The following NEK6 variants were observed in gnomAD, a reference collection of about 807,000 sequenced individuals.
The protein encoded by NEK6 is NIMA related kinase 6, also known as serine/threonine-protein kinase Nek6.
Under a neutral mutation model 43.5 loss-of-function variants are expected in NEK6, and 27 were observed. The observed-to-expected ratio is 0.62, with a 90% CI of 0.46 to 0.86. The LOEUF is 0.86. NEK6 is among the 40% of genes least tolerant of loss of function. NEK6 has a pLI of 0.00. For missense variants in NEK6, 318 were observed against 414.4 expected (o/e 0.77, Z 2.02); for synonymous variants, 167 against 164.1 (o/e 1.02, Z -0.14).
chr9:124,274,819 C>T (rs1177482882), intron 1 of NEK6, among the ~76,000 whole-genome samples: 5 of 152,164 alleles, frequency 3.3e-5, no homozygotes, highest in Non-Finnish European at 7.3e-5. Flanking sequence ...TTCTGCATGT[C>T]CATTTGTAGC....
chr9:124,281,326 G>T (rs1041536449), intron 1 of NEK6, among the ~76,000 whole-genome samples: 1 of 152,094 alleles, frequency 6.6e-6, no homozygotes, highest in Non-Finnish European at 1.5e-5. Context: ...CCTCAGCCAC[G>T]ATTGAAAAAG....
rs1830022671 is a variant in NEK6 at position 124,347,810 on chromosome 9, C to T, written c.819C>T (p.His273=). 2.5e-6 allele frequency: 4 copies of T among 1,609,102 alleles called. No individual in the cohort carries two copies. The highest frequency in any genetic ancestry group is 1.3e-5 in the African/African-American group (1 of 74,808). ...ACTACCCCCCACTCCCCGGGGAGCA[C>T]TACTCCGAGAAGGTGAGTTTGCAGG... ...QCDYPPLPGE[H]YSEKLRELVS... is the part of the protein sequence containing the mutation. The change falls in exon 9 of 10, where the codon CAC becomes CAT. Residue 273 remains histidine, a synonymous_variant. Transcript: ENST00000320246.
chr9:124,308,782 C>T (rs1021941006), intron 2 of NEK6, among the ~76,000 whole-genome samples: 6 of 151,980 alleles, frequency 3.9e-5, no homozygotes, highest in African/African-American at 1.5e-4. Flanking sequence ...GCCCGTCTTG[C>T]AGTTTAGAGC....
At chr9:124,338,205 T>C (rs528188020) in intron 7 of NEK6, among the ~76,000 whole-genome samples, 1 of 152,214 alleles carries the variant, frequency 6.6e-6, no homozygotes, top group Non-Finnish European at 1.5e-5. Context: ...GGTCTCAAAC[T>C]CCTGACCTCA....
intron 1 of NEK6, among the ~76,000 whole-genome samples, chr9:124,264,062 C>T (rs1831134489): frequency 2.0e-5 from 3 of 152,272 alleles, no homozygotes; most frequent in Admixed American, 6.5e-5. Context: ...CAGAAGTGAG[C>T]AGCCGTCTTC....
At chr9:124,269,982 A>G (rs1831374494) in intron 1 of NEK6, among the ~76,000 whole-genome samples, 1 of 152,010 alleles carries the variant, frequency 6.6e-6, no homozygotes, top group Non-Finnish European at 1.5e-5. Flanking sequence ...TTCCCCTTTT[A>G]TAGAGGAGTC....
chr9:124,271,635 C>G (rs1011707673), intron 1 of NEK6, among the ~76,000 whole-genome samples: 1 of 152,258 alleles, frequency 6.6e-6, no homozygotes. Flanking sequence ...AGATTTGAAC[C>G]CAGGCCCGGC....
intron 5 of NEK6, among the ~76,000 whole-genome samples, chr9:124,323,981 C>G (rs548025808): frequency 6.6e-6 from 1 of 152,132 alleles, no homozygotes; most frequent in Non-Finnish European, 1.5e-5. Flanking sequence ...CCCCACGCCT[C>G]GGGTCCTTCC....
In NEK6 at chr9:124,326,202, TCCC is replaced by T. The variant is rs61223297; in HGVS notation, c.406-119_406-117del. ...GCTTATTGTTTGCTCAGTGGCTCAA[TCCC>T]CCCCCCCCGCCCCTGCCAGGCACCA... is the stretch of plus-strand genomic sequence containing the variant. On this transcript the variant is annotated intron_variant, in intron 5 of 9. Transcript: ENST00000320246. This position sits in a 1 kb window ranked among gnomAD's most constrained non-coding sequence, Gnocchi z 4.5. The T allele has an allele frequency of 5.4e-3, 667 of 123,258 alleles. 4 individuals carry two copies. Among genetic ancestry groups the T allele is most frequent in the East Asian group, 0.019 (185 of 9,734 alleles). 7.6% of individuals were successfully genotyped at this position (123,258 alleles called of 1,614,324 possible).
At chr9:124,283,703 G>T (rs181966577) in intron 1 of NEK6, among the ~76,000 whole-genome samples, 1 of 152,174 alleles carries the variant, frequency 6.6e-6, no homozygotes, top group Non-Finnish European at 1.5e-5. Flanking sequence ...CCCACAACTC[G>T]CACAGGGCTT....
intron 1 of NEK6, among the ~76,000 whole-genome samples, chr9:124,263,715 G>C (rs1186621302): frequency 6.6e-6 from 1 of 152,186 alleles, no homozygotes; most frequent in Non-Finnish European, 1.5e-5. Context: ...GACCCCTCTG[G>C]ATTCCACCAG....
At position 124,258,071 on chromosome 9, in the gene NEK6, C is replaced by T; in HGVS notation, c.-44C>T. Reference sequence around the variant, plus strand: ...CACCGGTCCCCCAGCGGCAGCCGAGCCCGCCCGCGCGCCGGTGAGTCGCCT... The same window carrying T: ...CACCGGTCCCCCAGCGGCAGCCGAGTCCGCCCGCGCGCCGGTGAGTCGCCT... On this transcript the variant is annotated 5_prime_UTR_variant, in exon 1 of 10. Coordinates refer to ENST00000320246, the MANE Select transcript of NEK6 (RefSeq NM_014397.6). The T allele has an allele frequency of 1.0e-6, 1 of 979,292 alleles. No individual in the cohort carries two copies. The highest frequency in any genetic ancestry group is 1.2e-6 in the Non-Finnish European group (1 of 827,590). The allele number at this position is 979,292 out of a possible 1,614,324, so 60.7% of individuals were successfully genotyped here. A position where few individuals can be genotyped will look rare whatever the true frequency, so the allele number is the denominator to read the frequency against.
chr9:124,274,861 G>C (rs867536091), intron 1 of NEK6, among the ~76,000 whole-genome samples: 1 of 152,120 alleles, frequency 6.6e-6, no homozygotes, highest in East Asian at 1.9e-4. Context: ...CTCCAGTGCC[G>C]GCTCTGATAG....
Position 124,302,029 on chromosome 9 carries a change from G to T in NEK6, c.65G>T (p.Gly22Val). ...TCCAACAACCTCTGCCACACCCTGG[G>T]GCCTGTGCATCCTCCTGACCCACAG... ...GSSNNLCHTL[G>V]PVHPPDPQRH... The change falls in exon 2 of 10, where the codon GGG becomes GTG. Residue 22 changes from glycine (G) to valine (V), a missense_variant. Coordinates refer to ENST00000320246, the MANE Select transcript of NEK6 (RefSeq NM_014397.6). 1 of 1,604,662 alleles carries T rather than the reference G, an allele frequency of 6.2e-7. No homozygotes were observed.
rs1001947830 is a variant in NEK6 at position 124,306,452 on chromosome 9, G to A, written c.90+4398G>A. Among the ~76,000 whole-genome samples, 9 of 152,244 alleles carry A rather than the reference G, an allele frequency of 5.9e-5. No homozygotes were observed. The East Asian group carries it at 7.7e-4, about 13-fold the overall frequency. On this transcript the variant is annotated intron_variant, in intron 2 of 9. Transcript: ENST00000320246. ...CATGAGCCAGTGGCCCACGGAGTGCGGTGCAGACGTCTTAGCTGAGCCAGT... is the reference window on the plus strand; with the variant it reads ...CATGAGCCAGTGGCCCACGGAGTGCAGTGCAGACGTCTTAGCTGAGCCAGT...
At chr9:124,340,021 C>G (rs994581417) in intron 8 of NEK6, among the ~76,000 whole-genome samples, 1 of 152,188 alleles carries the variant, frequency 6.6e-6, no homozygotes, top group Non-Finnish European at 1.5e-5. Flanking sequence ...ATGGGTCAGG[C>G]CCGGTGCAGG....
intron 8 of NEK6, among the ~76,000 whole-genome samples, chr9:124,342,903 G>C (rs914400998): frequency 1.3e-5 from 2 of 152,222 alleles, no homozygotes; most frequent in African/African-American, 2.4e-5. Flanking sequence ...GCTGGGGCCG[G>C]GAGGCCAGCA....
chr9:124,313,882 A>G (rs764015893), intron 3 of NEK6, 41 bp from the exon 4 acceptor site: 1 of 1,611,044 alleles, frequency 6.2e-7, no homozygotes, highest in South Asian at 1.1e-5. Context: ...CACTGGACAC[A>G]GATTGTAACC....
intron 4 of NEK6, among the ~76,000 whole-genome samples, chr9:124,317,309 G>A (rs180917412): frequency 1.3e-5 from 2 of 152,216 alleles, no homozygotes; most frequent in East Asian, 1.9e-4. Flanking sequence ...CTGGAGTGCC[G>A]TGGTGCGATC....
Sources: gnomAD v4.1 joint callset for allele counts (sites outside exome capture counted in the v4.1 genomes callset) on GRCh38, gnomAD v4.1.1 for gene constraint, Gnocchi (gnomAD v3.1) non-coding constraint, MANE v1.5 for transcripts, NCBI Gene and HGNC (gene_info 2026-07-23, HGNC 2026-07-21) for gene names.